The following VEPH1 variants were observed in gnomAD, a reference collection of about 807,000 sequenced individuals.
VEPH1 encodes the protein ventricular zone expressed PH domain containing 1, also known as ventricular zone-expressed PH domain-containing protein homolog 1.
Under a neutral mutation model 85.2 loss-of-function variants are expected in VEPH1, and 80 were observed. The observed-to-expected ratio is 0.94, with a 90% CI of 0.78 to 1.13. The LOEUF is 1.13. Ranked by LOEUF, VEPH1 falls within the 50% of genes most tolerant of loss-of-function variation. VEPH1 has a pLI of 0.00. For missense variants in VEPH1, 955 were observed against 980.5 expected, an observed-to-expected ratio of 0.97 and a Z score of 0.35; for synonymous variants, 297 against 348.0, an observed-to-expected ratio of 0.85 and a Z score of 1.63.
chr3:157,338,861 C>G (rs1044566708), intron 9 of VEPH1, among the ~76,000 whole-genome samples: 1 of 152,230 alleles, frequency 6.6e-6, no homozygotes, highest in Non-Finnish European at 1.5e-5. Context: ...TTGTCCCTTG[C>G]TCCTCATTTG....
At chr3:157,413,752 T>C in intron 6 of VEPH1, 129 bp downstream of exon 6, 1 of 1,393,124 alleles carries the variant, frequency 7.2e-7, no homozygotes, top group Non-Finnish European at 9.5e-7. Context: ...AATTTGTATG[T>C]CAAAGAGAAA....
At chr3:157,301,017 C>T (rs1392669430) in intron 11 of VEPH1, among the ~76,000 whole-genome samples, 1 of 152,186 alleles carries the variant, frequency 6.6e-6, no homozygotes, top group Non-Finnish European at 1.5e-5. Context: ...ATATTAATCC[C>T]GGATGAACTA....
intron 9 of VEPH1, among the ~76,000 whole-genome samples, chr3:157,324,202 T>G (rs150855431): frequency 0.049 from 7,456 of 152,156 alleles, 247 homozygotes; most frequent in Middle Eastern, 0.11. Context: ...ATTACAGGCA[T>G]GCGCCACCAT....
intron 6 of VEPH1, among the ~76,000 whole-genome samples, chr3:157,387,911 G>A (rs907995011): frequency 6.6e-6 from 1 of 152,138 alleles, no homozygotes; most frequent in African/African-American, 2.4e-5. Context: ...CTAAATCTCT[G>A]AGAATTTGAG....
chr3:157,350,890 C>A (rs1724794957), intron 9 of VEPH1, among the ~76,000 whole-genome samples: 1 of 152,118 alleles, frequency 6.6e-6, no homozygotes, highest in African/African-American at 2.4e-5. Flanking sequence ...GGTGAGGATG[C>A]AGAGAAAAGA....
At chr3:157,339,439 C>T (rs1444419451) in intron 9 of VEPH1, among the ~76,000 whole-genome samples, 1 of 152,336 alleles carries the variant, frequency 6.6e-6, no homozygotes, top group South Asian at 2.1e-4. Context: ...CAGCCATCCA[C>T]CAAAGGTGGC....
At chr3:157,272,370 C>CTTTCT (rs1387397194) in intron 12 of VEPH1, among the ~76,000 whole-genome samples, 3 of 111,284 alleles carry the variant, frequency 2.7e-5, no homozygotes, top group African/African-American at 1.1e-4. Flanking sequence ...CTTTCTTTCT[C>CTTTCT]TTTCTTTTCT....
chr3:157,340,070 C>T (rs1039781908), intron 9 of VEPH1, among the ~76,000 whole-genome samples: 1 of 152,304 alleles, frequency 6.6e-6, no homozygotes, highest in East Asian at 1.9e-4. Context: ...ATAGGAACAG[C>T]TCCAGTCTAC....
chr3:157,449,805 G>A (rs766071564), intron 4 of VEPH1, among the ~76,000 whole-genome samples: 21 of 151,614 alleles, frequency 1.4e-4, no homozygotes, highest in Non-Finnish European at 2.4e-4. Context: ...CAGTGAACAC[G>A]GTGTATTTCT....
intron 11 of VEPH1, among the ~76,000 whole-genome samples, chr3:157,310,412 T>A (rs1719981072): frequency 1.3e-5 from 2 of 152,138 alleles, no homozygotes; most frequent in South Asian, 4.1e-4. Context: ...GGTACTAATA[T>A]TATCTCCACT....
intron 9 of VEPH1, among the ~76,000 whole-genome samples, chr3:157,318,918 T>A (rs1721081121): frequency 6.6e-6 from 1 of 152,018 alleles, no homozygotes; most frequent in Non-Finnish European, 1.5e-5. Context: ...CTGATAAGGA[T>A]CCTAGTACGG....
chr3:157,460,358 G>A lies in VEPH1; in HGVS notation c.355-3C>T, dbSNP rs769104028. On this transcript the variant is annotated splice_polypyrimidine_tract_variant and splice_region_variant and intron_variant, in intron 3 of 13. Coordinates refer to ENST00000362010, the MANE Select transcript of VEPH1 (RefSeq NM_001167912.2). ...ATCACTGGGGGTCGGTTGTAATTCT[G>A]AGGAAATATAAGAAAGCCACAAATA... 1.2e-6 allele frequency: 2 copies of A among 1,601,570 alleles called. No individual in the cohort carries two copies. Among genetic ancestry groups the A allele is most frequent in the African/African-American group, 1.3e-5 (1 of 74,464 alleles).
intron 9 of VEPH1, 45 bp downstream of exon 9, chr3:157,363,319 G>A (rs370488374): frequency 7.7e-5 from 114 of 1,485,632 alleles, no homozygotes; most frequent in Non-Finnish European, 8.1e-5. Context: ...TTTATTTGCA[G>A]TGACTCCTGA....
chr3:157,395,435 G>T (rs1730274992), intron 6 of VEPH1, among the ~76,000 whole-genome samples: 1 of 152,164 alleles, frequency 6.6e-6, no homozygotes, highest in African/African-American at 2.4e-5. Flanking sequence ...CTTTGTGAGT[G>T]GACGTCCATG....
chr3:157,333,300 C>T (rs1274827925), intron 9 of VEPH1, among the ~76,000 whole-genome samples: 1 of 152,100 alleles, frequency 6.6e-6, no homozygotes, highest in Non-Finnish European at 1.5e-5. Context: ...TTTTGCAGTG[C>T]TTATCCGATC....
intron 9 of VEPH1, among the ~76,000 whole-genome samples, chr3:157,352,272 A>G (rs1724948040): frequency 6.6e-6 from 1 of 152,234 alleles, no homozygotes; most frequent in Admixed American, 6.5e-5. Flanking sequence ...AAAATAACTC[A>G]ACTACTGGAT....
At chr3:157,503,530 T>G (rs1412296959), upstream of VEPH1, 1 of 152,222 alleles carries the variant, frequency 6.6e-6, no homozygotes, top group Non-Finnish European at 1.5e-5. Flanking sequence ...TGCTTAGACC[T>G]AACAATTGAC....
At chr3:157,375,665 T>C (rs1290548977) in intron 7 of VEPH1, among the ~76,000 whole-genome samples, 1 of 152,222 alleles carries the variant, frequency 6.6e-6, no homozygotes, top group African/African-American at 2.4e-5. Flanking sequence ...TTTCCCTTCA[T>C]TCTCCTGCAT....
intron 9 of VEPH1, among the ~76,000 whole-genome samples, chr3:157,328,812 T>C (rs13077564): frequency 0.065 from 9,970 of 152,280 alleles, 381 homozygotes; most frequent in South Asian, 0.1. Flanking sequence ...CATTAATTGA[T>C]TAGTTTTTAA....
Sources: allele counts gnomAD v4.1 joint callset (sites outside exome capture counted in the v4.1 genomes callset), GRCh38; gene constraint gnomAD v4.1.1; transcripts MANE v1.5; gene names NCBI Gene and HGNC (gene_info 2026-07-23, HGNC 2026-07-21).